WWOX: variants seen among roughly 807,000 people sequenced by gnomAD.
WWOX encodes the protein WW domain containing oxidoreductase.
A neutral mutation model predicts 46.2 loss-of-function variants in WWOX; 69 were observed. That is an observed-to-expected ratio of 1.49 (90% confidence interval 1.23 to 1.82). The LOEUF is 1.82. Among genes scored for constraint, WWOX ranks in the 40% most tolerant of loss-of-function variants. WWOX has a pLI of 0.00. For missense variants in WWOX, 919 were observed against 542.6 expected (o/e 1.69, Z -6.89); for synonymous variants, 359 against 202.6 (o/e 1.77, Z -6.56).
intron 6 of WWOX, among the ~76,000 whole-genome samples, chr16:78,406,297 AATATAAATAT>A (rs1567553225): frequency 1.8e-4 from 13 of 74,062 alleles, no homozygotes; most frequent in Admixed American, 2.0e-4. Context: ...ACAGCATATA[AATATAAATAT>A]ATATATATAT....
At chr16:78,759,129 T>C (rs2049729056) in intron 8 of WWOX, among the ~76,000 whole-genome samples, 1 of 152,118 alleles carries the variant, frequency 6.6e-6, no homozygotes, top group South Asian at 2.1e-4. Context: ...TCCTGGCTGA[T>C]CTGTGCAATT....
intron 8 of WWOX, among the ~76,000 whole-genome samples, chr16:78,483,882 A>G (rs2084561608): frequency 6.6e-6 from 1 of 152,186 alleles, no homozygotes; most frequent in East Asian, 1.9e-4. Context: ...TCACAAAAAC[A>G]TCTTGTGGTC....
chr16:79,035,169 C>T (rs572058855), intron 8 of WWOX, among the ~76,000 whole-genome samples: 50 of 152,152 alleles, frequency 3.3e-4, no homozygotes, highest in Non-Finnish European at 6.0e-4. Context: ...TTCATTTTTG[C>T]ATGTGCCACT....
Position 78,824,046 on chromosome 16 carries a change from G to C in WWOX, c.1057-387562G>C, listed in dbSNP as rs559371933. Among the ~76,000 whole-genome samples the C allele has an allele frequency of 5.9e-5, 9 of 151,856 alleles. No homozygotes were observed. In the South Asian group the frequency reaches 1.7e-3, roughly 28 times the overall value. The stretch of plus-strand genomic sequence containing the variant: ...TGCCTTGATAGACGTGTTCATTGTA[G>C]GTTTCTAGCCTCTGAATCCAAATTT... On this transcript the variant is annotated intron_variant, in intron 8 of 8. Coordinates refer to ENST00000566780, the MANE Select transcript of WWOX (RefSeq NM_016373.4).
intron 8 of WWOX, among the ~76,000 whole-genome samples, chr16:79,123,857 T>G (rs16949592): frequency 6.6e-6 from 1 of 152,056 alleles, no homozygotes; most frequent in African/African-American, 2.4e-5. Context: ...CTGATTGATA[T>G]ACAGCAACAA....
chr16:78,482,820 G>T (rs907991874), intron 8 of WWOX, among the ~76,000 whole-genome samples: 4 of 152,144 alleles, frequency 2.6e-5, no homozygotes, highest in Non-Finnish European at 4.4e-5. Flanking sequence ...TCTTGGGAAG[G>T]ATCTATCTCA....
At chr16:78,268,145 C>T (rs929431917) in intron 5 of WWOX, among the ~76,000 whole-genome samples, 1 of 152,126 alleles carries the variant, frequency 6.6e-6, no homozygotes, top group Non-Finnish European at 1.5e-5. Context: ...TCTATGAATT[C>T]CACCTTTCCC....
At chr16:79,012,542 A>G (rs568573372) in intron 8 of WWOX, among the ~76,000 whole-genome samples, 1 of 152,252 alleles carries the variant, frequency 6.6e-6, no homozygotes, top group Admixed American at 6.5e-5. Context: ...CGGACATATG[A>G]ATTTTTAATT....
At chr16:78,903,436 A>G (rs372627959) in intron 8 of WWOX, among the ~76,000 whole-genome samples, 2 of 152,328 alleles carry the variant, frequency 1.3e-5, no homozygotes, top group South Asian at 2.1e-4. Context: ...CAGAGGCTGA[A>G]GTGAAGTTAC....
intron 5 of WWOX, among the ~76,000 whole-genome samples, chr16:78,335,563 G>GAAAT (rs2080870414): frequency 6.6e-6 from 1 of 152,074 alleles, no homozygotes; most frequent in African/African-American, 2.4e-5. Flanking sequence ...TTGCTATTGT[G>GAAAT]AAATACCATT....
chr16:79,042,161 G>T (rs114903522), intron 8 of WWOX, among the ~76,000 whole-genome samples: 1,829 of 152,280 alleles, frequency 0.012, 39 homozygotes, highest in African/African-American at 0.041. Flanking sequence ...CACAGGTGGA[G>T]GCTCAGATGC....
At chr16:79,002,432 A>C (rs952020647) in intron 8 of WWOX, among the ~76,000 whole-genome samples, 2 of 151,936 alleles carry the variant, frequency 1.3e-5, no homozygotes, top group African/African-American at 4.8e-5. Flanking sequence ...ACATGTTGCC[A>C]GGCTGCTCTC....
intron 8 of WWOX, among the ~76,000 whole-genome samples, chr16:78,778,822 G>T (rs182450371): frequency 6.6e-6 from 1 of 152,196 alleles, no homozygotes; most frequent in Non-Finnish European, 1.5e-5. Context: ...AACTGTGTTC[G>T]CCAGCTCGTA....
intron 8 of WWOX, among the ~76,000 whole-genome samples, chr16:78,948,546 C>T (rs192197974): frequency 1.1e-3 from 175 of 152,194 alleles, no homozygotes; most frequent in African/African-American, 3.7e-3. Flanking sequence ...TTGGTAGGTG[C>T]CCATGACAGC....
chr16:78,190,549 AT>A (rs1411529581), intron 5 of WWOX, among the ~76,000 whole-genome samples: 2 of 152,142 alleles, frequency 1.3e-5, no homozygotes, highest in Non-Finnish European at 2.9e-5. Flanking sequence ...TACAGTGCAC[AT>A]CCCTTCCAGC....
intron 5 of WWOX, among the ~76,000 whole-genome samples, chr16:78,382,167 T>G (rs1360529923): frequency 6.6e-6 from 1 of 152,194 alleles, no homozygotes; most frequent in Non-Finnish European, 1.5e-5. Context: ...CTGAGTTAGT[T>G]GTTGTTGTTC....
intron 8 of WWOX, among the ~76,000 whole-genome samples, chr16:78,521,341 C>A (rs973718996): frequency 6.6e-6 from 1 of 152,046 alleles, no homozygotes; most frequent in Non-Finnish European, 1.5e-5. Flanking sequence ...AAGGTATGAG[C>A]CACCAAGCCT....
At chr16:78,721,208 T>C (rs1435578675) in intron 8 of WWOX, among the ~76,000 whole-genome samples, 1 of 151,998 alleles carries the variant, frequency 6.6e-6, no homozygotes, top group Non-Finnish European at 1.5e-5. Flanking sequence ...TTATACTTTC[T>C]ACAGTATCTT....
At chr16:79,069,913 A>G (rs1039073758) in intron 8 of WWOX, among the ~76,000 whole-genome samples, 3 of 152,182 alleles carry the variant, frequency 2.0e-5, no homozygotes, top group Admixed American at 6.5e-5. Flanking sequence ...TTCCCCCTCT[A>G]TGACCAAAAA....
Sources: gnomAD v4.1 joint callset for allele counts (sites outside exome capture counted in the v4.1 genomes callset) on GRCh38, gnomAD v4.1.1 for gene constraint, MANE v1.5 for transcripts, NCBI Gene and HGNC (gene_info 2026-07-23, HGNC 2026-07-21) for gene names.